The following LHFPL6 variants were observed in gnomAD, a reference collection of about 807,000 sequenced individuals.
LHFPL6 encodes the protein LHFPL tetraspan subfamily member 6.
LHFPL6 carries 9 observed loss-of-function variants against 20.6 expected under a neutral mutation model. The observed-to-expected ratio is 0.44, with a 90% CI of 0.26 to 0.76. The LOEUF is 0.76. Ranked by LOEUF, LHFPL6 falls within the 30% of genes least tolerant of loss-of-function variation. LHFPL6 has a pLI of 0.20. For missense variants in LHFPL6, 218 were observed against 253.5 expected (o/e 0.86, Z 0.95); for synonymous variants, 105 against 98.7 (o/e 1.06, Z -0.38).
intron 2 of LHFPL6, among the ~76,000 whole-genome samples, chr13:39,411,887 G>A (rs1270442774): frequency 6.6e-6 from 1 of 152,242 alleles, no homozygotes; most frequent in Non-Finnish European, 1.5e-5. Context: ...GTGAAATCTA[G>A]CTAAGGAATA....
chr13:39,427,381 T>C (rs1871672589), intron 2 of LHFPL6, among the ~76,000 whole-genome samples: 1 of 152,246 alleles, frequency 6.6e-6, no homozygotes, highest in African/African-American at 2.4e-5. Context: ...ATTCAGTCTT[T>C]CACCATAAAA....
intron 2 of LHFPL6, among the ~76,000 whole-genome samples, chr13:39,596,621 G>C (rs1872778523): frequency 6.7e-6 from 1 of 149,904 alleles, no homozygotes; most frequent in Non-Finnish European, 1.5e-5. Flanking sequence ...AATAAAACAA[G>C]AGTAGTTATT....
intron 2 of LHFPL6, among the ~76,000 whole-genome samples, chr13:39,463,161 G>T (rs986986808): frequency 3.9e-5 from 6 of 152,196 alleles, no homozygotes; most frequent in Non-Finnish European, 1.5e-5. Flanking sequence ...TATGGCAAGA[G>T]TACAGAATCA....
intron 2 of LHFPL6, among the ~76,000 whole-genome samples, chr13:39,428,477 AT>A (rs1350195700): frequency 7.2e-5 from 11 of 152,146 alleles, no homozygotes; most frequent in Admixed American, 7.2e-4. Flanking sequence ...TGTCAAATGT[AT>A]TGGTATGCAG....
At chr13:39,592,244 G>A (rs1447599727) in intron 2 of LHFPL6, among the ~76,000 whole-genome samples, 1 of 152,036 alleles carries the variant, frequency 6.6e-6, no homozygotes, top group Non-Finnish European at 1.5e-5. Flanking sequence ...AAACTAAACT[G>A]GTGACCATGA....
At chr13:39,392,159 G>A (rs772740683) in intron 2 of LHFPL6, among the ~76,000 whole-genome samples, 5 of 152,054 alleles carry the variant, frequency 3.3e-5, no homozygotes, top group South Asian at 2.1e-4. Flanking sequence ...ATATAAAAAC[G>A]TACCTTGAAA....
chr13:39,344,163 G>A, intron 3 of LHFPL6, 109 bp from the exon 4 acceptor site: 1 of 750,380 alleles, frequency 1.3e-6, no homozygotes, highest in Non-Finnish European at 2.2e-6. Flanking sequence ...TTAGGAATAT[G>A]GTATCCTCGC....
chr13:39,398,315 A>G (rs1483068587), intron 2 of LHFPL6, among the ~76,000 whole-genome samples: 1 of 152,256 alleles, frequency 6.6e-6, no homozygotes, highest in East Asian at 1.9e-4. Flanking sequence ...AAAGAATAGT[A>G]AATTTCTTTG....
At chr13:39,484,799 G>T (rs1022529631) in intron 2 of LHFPL6, among the ~76,000 whole-genome samples, 6 of 152,168 alleles carry the variant, frequency 3.9e-5, no homozygotes, top group African/African-American at 1.4e-4. Flanking sequence ...ATGAGGAGGA[G>T]GTGAGAAATG....
intron 3 of LHFPL6, among the ~76,000 whole-genome samples, chr13:39,344,906 C>T (rs148956984): frequency 5.3e-5 from 8 of 152,282 alleles, no homozygotes; most frequent in African/African-American, 1.2e-4. Flanking sequence ...GGTTCTAGAT[C>T]CCAAGAATAG....
At chr13:39,362,082 T>A (rs1307647894) in intron 3 of LHFPL6, among the ~76,000 whole-genome samples, 6 of 152,224 alleles carry the variant, frequency 3.9e-5, no homozygotes, top group Non-Finnish European at 8.8e-5. Context: ...AAACAAGAAT[T>A]TGAAGATATC....
intron 2 of LHFPL6, among the ~76,000 whole-genome samples, chr13:39,577,406 A>C (rs1274934025): frequency 1.3e-5 from 2 of 152,218 alleles, no homozygotes; most frequent in East Asian, 3.9e-4. Context: ...TTAGCATTTT[A>C]GAAAGGAGCA....
intron 2 of LHFPL6, among the ~76,000 whole-genome samples, chr13:39,489,301 C>G (rs944242827): frequency 6.6e-6 from 1 of 152,070 alleles, no homozygotes; most frequent in Non-Finnish European, 1.5e-5. Context: ...GAAAGAATCT[C>G]TTTGCTGGAG....
At chr13:39,526,292 A>T (rs918690989) in intron 2 of LHFPL6, among the ~76,000 whole-genome samples, 1 of 152,204 alleles carries the variant, frequency 6.6e-6, no homozygotes, top group Non-Finnish European at 1.5e-5. Flanking sequence ...AATAGTAGGC[A>T]TTGATAGTAG....
At chr13:39,514,497 T>G (rs1869834295) in intron 2 of LHFPL6, among the ~76,000 whole-genome samples, 1 of 152,192 alleles carries the variant, frequency 6.6e-6, no homozygotes, top group South Asian at 2.1e-4. Flanking sequence ...GAAAAGCAGC[T>G]TATCATTCTG....
chr13:39,574,743 A>G (rs1872056509), intron 2 of LHFPL6, among the ~76,000 whole-genome samples: 1 of 152,140 alleles, frequency 6.6e-6, no homozygotes, highest in Admixed American at 6.5e-5. Context: ...TGGCAAGTGT[A>G]CCAGCAAGAA....
intron 2 of LHFPL6, among the ~76,000 whole-genome samples, chr13:39,403,209 C>G (rs1197810922): frequency 1.3e-5 from 2 of 152,186 alleles, no homozygotes; most frequent in Non-Finnish European, 2.9e-5. Flanking sequence ...CAATTCAAGT[C>G]ATTCACAGAG....
intron 2 of LHFPL6, among the ~76,000 whole-genome samples, chr13:39,584,263 C>T (rs1303476913): frequency 2.0e-5 from 3 of 152,096 alleles, no homozygotes; most frequent in African/African-American, 4.8e-5. Context: ...AACCAATGGC[C>T]GGGCACGGTG....
chr13:39,468,218 G>C (rs1044459683), intron 2 of LHFPL6, among the ~76,000 whole-genome samples: 1 of 152,092 alleles, frequency 6.6e-6, no homozygotes, highest in Non-Finnish European at 1.5e-5. Context: ...CTATGTATTT[G>C]ATATTCCTTT....
Sources: gnomAD v4.1 joint callset for allele counts (sites outside exome capture counted in the v4.1 genomes callset) on GRCh38, gnomAD v4.1.1 for gene constraint, MANE v1.5 for transcripts, NCBI Gene and HGNC (gene_info 2026-07-23, HGNC 2026-07-21) for gene names.